ULK4: variants seen among roughly 807,000 people sequenced by gnomAD.
The protein encoded by ULK4 is unc-51 like kinase 4, also known as inactive serine/threonine-protein kinase ULK4.
In ULK4, 133 loss-of-function variants were observed where a neutral mutation model predicts 160.6. The ratio of observed to expected loss-of-function variants is 0.83; its 90% CI spans 0.72 to 0.96. The LOEUF (loss-of-function observed/expected upper bound fraction) is 0.96. Among genes scored for constraint, ULK4 ranks in the 40% least tolerant of loss-of-function variants. The pLI is 0.00. For synonymous variants in ULK4, 534 were observed against 539.8 expected (o/e 0.99, Z 0.15); for missense variants, 1,580 against 1,499.5 (o/e 1.05, Z -0.89).
At position 41,351,370 on chromosome 3, in the gene ULK4, G is replaced by A. The variant is rs2080906348; in HGVS notation, c.3678+46709C>T. 2.0e-5 allele frequency among the ~76,000 whole-genome samples: 3 copies of A among 152,174 alleles called. No individual in the cohort carries two copies. The South Asian group carries it at 6.2e-4, about 31-fold the overall frequency. On this transcript the variant is annotated intron_variant, in intron 35 of 36. Transcript: ENST00000301831. Reference sequence around the variant, plus strand: ...CAAAAAGTTAAACCAGGAGCTGACTGCAACAACATGCACCTGATGGACAAA... The same window carrying A: ...CAAAAAGTTAAACCAGGAGCTGACTACAACAACATGCACCTGATGGACAAA...
intron 17 of ULK4, among the ~76,000 whole-genome samples, chr3:41,880,480 A>T (rs1029564628): frequency 3.3e-5 from 5 of 152,220 alleles, no homozygotes; most frequent in African/African-American, 1.2e-4. Context: ...CTGTCTCTTT[A>T]TAACAAATTA....
intron 35 of ULK4, among the ~76,000 whole-genome samples, chr3:41,317,217 A>G (rs1575426659): frequency 1.3e-5 from 2 of 151,436 alleles, no homozygotes; most frequent in African/African-American, 4.8e-5. Context: ...CTGGGACTAC[A>G]GGCGCCCGCC....
At chr3:41,706,953 T>C (rs910997297) in intron 25 of ULK4, among the ~76,000 whole-genome samples, 3 of 151,388 alleles carry the variant, frequency 2.0e-5, no homozygotes, top group Admixed American at 6.6e-5. Context: ...AACATAGGTA[T>C]GTATTTTGTG....
intron 35 of ULK4, among the ~76,000 whole-genome samples, chr3:41,361,565 T>G (rs539886119): frequency 4.6e-5 from 7 of 152,322 alleles, no homozygotes; most frequent in Admixed American, 4.6e-4. Flanking sequence ...CAGTTAAAAG[T>G]ACATCATTTG....
chr3:41,960,305 C>T (rs1700624021), intron 1 of ULK4, among the ~76,000 whole-genome samples: 1 of 152,002 alleles, frequency 6.6e-6, no homozygotes, highest in Non-Finnish European at 1.5e-5. Context: ...TTGTTACTTT[C>T]AAGCATTTCT....
chr3:41,840,490 CTT>C lies in ULK4; in HGVS notation c.1657-4521_1657-4520del, dbSNP rs1287503433. On this transcript the variant is annotated intron_variant, in intron 17 of 36. Coordinates refer to ENST00000301831, the MANE Select transcript of ULK4 (RefSeq NM_017886.4). ...CCCCAGGCTCCGATGGTTCTCCTGC[CTT>C]GGCCTGCCGAGTGCCTGCGATTGCA... is the stretch of plus-strand genomic sequence containing the variant. 3.9e-5 allele frequency among the ~76,000 whole-genome samples: 6 copies of C among 152,344 alleles called. No individual in the cohort carries two copies. The East Asian group carries it at 1.2e-3, about 29-fold the overall frequency.
At chr3:41,707,107 A>C (rs1001529249) in intron 25 of ULK4, among the ~76,000 whole-genome samples, 2 of 152,130 alleles carry the variant, frequency 1.3e-5, no homozygotes, top group Non-Finnish European at 2.9e-5. Context: ...TGGTTTTCTT[A>C]AAATAGTTTT....
At chr3:41,927,038 A>T (rs1317654746) in intron 5 of ULK4, among the ~76,000 whole-genome samples, 1 of 152,114 alleles carries the variant, frequency 6.6e-6, no homozygotes, top group Non-Finnish European at 1.5e-5. Context: ...ACCCCAAGAC[A>T]CATAATTGTC....
intron 35 of ULK4, among the ~76,000 whole-genome samples, chr3:41,386,599 T>C (rs1164598999): frequency 6.6e-6 from 1 of 152,146 alleles, no homozygotes; most frequent in African/African-American, 2.4e-5. Context: ...TTGCGTTCCA[T>C]TTGTGGTCCA....
chr3:41,517,819 T>C (rs1321831746), intron 32 of ULK4, among the ~76,000 whole-genome samples: 5 of 152,168 alleles, frequency 3.3e-5, no homozygotes, highest in Admixed American at 3.3e-4. Flanking sequence ...TGGCCTAGTT[T>C]TTGTCATGTG....
chr3:41,387,745 T>G (rs1324255914), intron 35 of ULK4, among the ~76,000 whole-genome samples: 1 of 152,222 alleles, frequency 6.6e-6, no homozygotes, highest in Admixed American at 6.5e-5. Context: ...GGTGTATATG[T>G]GCCACATTTT....
intron 20 of ULK4, among the ~76,000 whole-genome samples, chr3:41,791,032 A>G (rs1485333922): frequency 6.6e-6 from 1 of 152,244 alleles, no homozygotes; most frequent in Non-Finnish European, 1.5e-5. Context: ...GTTAGAAATA[A>G]TGATGTTAAG....
intron 31 of ULK4, among the ~76,000 whole-genome samples, chr3:41,574,136 G>A (rs2088098678): frequency 6.6e-6 from 1 of 152,130 alleles, no homozygotes; most frequent in South Asian, 2.1e-4. Flanking sequence ...CCGAGATTGA[G>A]CCATTGCACT....
intron 14 of ULK4, 100 bp downstream of exon 14, chr3:41,898,332 T>C: frequency 1.4e-6 from 1 of 736,148 alleles, no homozygotes; most frequent in Non-Finnish European, 2.2e-6. Flanking sequence ...CAAGACAAAA[T>C]AAATTTAGTT....
rs1033618595 is a variant in ULK4 at position 41,414,106 on chromosome 3, C to A, written c.3493-15842G>T. Among the ~76,000 whole-genome samples the A allele has an allele frequency of 3.3e-5, 5 of 152,234 alleles. 1 individual carries two copies. The highest frequency in any genetic ancestry group is 1.2e-4 in the African/African-American group (5 of 41,462). On this transcript the variant is annotated intron_variant, in intron 34 of 36. Coordinates refer to ENST00000301831, the MANE Select transcript of ULK4 (RefSeq NM_017886.4). ...ATCCCAGCTACTCGAGAGGCCAAGGCAGGAGAATCGCTTGAACCTGGGAGG... is the reference window on the plus strand; with the variant it reads ...ATCCCAGCTACTCGAGAGGCCAAGGAAGGAGAATCGCTTGAACCTGGGAGG...
intron 35 of ULK4, among the ~76,000 whole-genome samples, chr3:41,274,409 A>G (rs2079195327): frequency 6.6e-6 from 1 of 152,160 alleles, no homozygotes; most frequent in South Asian, 2.1e-4. Flanking sequence ...TTCCCTAAAA[A>G]TTCTGTGTGG....
intron 35 of ULK4, among the ~76,000 whole-genome samples, chr3:41,305,969 A>AG (rs1296975038): frequency 2.1e-5 from 3 of 144,462 alleles, no homozygotes; most frequent in South Asian, 4.5e-4. Context: ...AGAAGTGAGG[A>AG]GACCCTCTGC....
At chr3:41,336,476 A>T (rs560036616) in intron 35 of ULK4, among the ~76,000 whole-genome samples, 1 of 152,346 alleles carries the variant, frequency 6.6e-6, no homozygotes, top group South Asian at 2.1e-4. Flanking sequence ...TCTTCTGGAC[A>T]AGCACAGAAG....
intron 23 of ULK4, among the ~76,000 whole-genome samples, chr3:41,716,905 A>G (rs970738063): frequency 2.0e-5 from 3 of 152,238 alleles, no homozygotes; most frequent in African/African-American, 7.2e-5. Context: ...TGAACTTTAA[A>G]TGAATATCAA....
Sources: allele counts gnomAD v4.1 joint callset (sites outside exome capture counted in the v4.1 genomes callset), GRCh38; gene constraint gnomAD v4.1.1; transcripts MANE v1.5; gene names NCBI Gene and HGNC (gene_info 2026-07-23, HGNC 2026-07-21).